Variants in ZNF487 observed in about 807,000 individuals in gnomAD.
The protein encoded by ZNF487 is zinc finger protein 487, also known as KRAB domain only 1.
In ZNF487, 4 loss-of-function variants were observed where a neutral mutation model predicts 3.0. The ratio of observed to expected loss-of-function variants is 1.35; its 90% confidence interval spans 0.66 to 3.08. The LOEUF is 3.08. ZNF487 is among the 30% of genes most tolerant of loss of function. The probability of loss-of-function intolerance (pLI) is 0.01; values close to 1 mark genes in which losing one functional copy is unlikely to be tolerated. For missense variants in ZNF487, 146 were observed against 98.7 expected (o/e 1.48, Z -2.03); for synonymous variants, 55 against 34.6 (o/e 1.59, Z -2.06).
At chr10:43,498,091 ATATATATATTTTTTTTTTTTTTCTTTT>A in the ZNF487 span, among the ~76,000 whole-genome samples, 50 of 27,952 alleles carry the variant, frequency 1.8e-3, 4 homozygotes, top group Admixed American at 2.6e-3. Flanking sequence ...ATATATATAT[ATATATATATTTTTTTTTTTTTTCTTTT>A]TTTTTTTTTT....
At chr10:43,494,677 A>G in the ZNF487 span, among the ~76,000 whole-genome samples, 1 of 148,016 alleles carries the variant, frequency 6.8e-6, no homozygotes, top group Non-Finnish European at 1.5e-5. Context: ...GCTGGGCGTG[A>G]GGCTCACACC....
chr10:43,444,559 A>C (rs1173309357), intron 1 of ZNF487, among the ~76,000 whole-genome samples: 1 of 151,852 alleles, frequency 6.6e-6, no homozygotes, highest in Non-Finnish European at 1.5e-5. Flanking sequence ...ATAGGTTTAC[A>C]GGTTGTTCGT....
At chr10:43,470,463 A>G (rs910811451) in intron 1 of ZNF487, among the ~76,000 whole-genome samples, 2 of 151,728 alleles carry the variant, frequency 1.3e-5, no homozygotes, top group Middle Eastern at 3.4e-3. Flanking sequence ...ACCTCACCGC[A>G]ACCTCCACCT....
chr10:43,457,423 C>T (rs1369340368), intron 1 of ZNF487, among the ~76,000 whole-genome samples: 1 of 143,798 alleles, frequency 7.0e-6, no homozygotes, highest in East Asian at 2.2e-4. Flanking sequence ...GGCATGGTGG[C>T]GCATGCCTGT....
intron 1 of ZNF487, among the ~76,000 whole-genome samples, chr10:43,441,946 G>T (rs1270226438): frequency 2.0e-5 from 3 of 152,112 alleles, no homozygotes; most frequent in Non-Finnish European, 2.9e-5. Flanking sequence ...TCTTGCTGTG[G>T]TTGGCCATGT....
the ZNF487 span, among the ~76,000 whole-genome samples, chr10:43,518,179 T>C: frequency 2.6e-5 from 4 of 152,296 alleles, no homozygotes; most frequent in East Asian, 1.9e-4. Context: ...GGACCTCACC[T>C]GAACACACCT....
the ZNF487 span, among the ~76,000 whole-genome samples, chr10:43,507,796 A>C: frequency 6.6e-6 from 1 of 152,242 alleles, no homozygotes; most frequent in Non-Finnish European, 1.5e-5. Context: ...AGCTGCCTAC[A>C]AGGTGGGCCA....
downstream of ZNF487, among the ~76,000 whole-genome samples, chr10:43,483,549 T>C (rs1449617100): frequency 6.8e-6 from 1 of 147,238 alleles, no homozygotes; most frequent in East Asian, 2.0e-4. Flanking sequence ...TTTTTTTGAA[T>C]CAGAATCTCA....
intron 1 of ZNF487, among the ~76,000 whole-genome samples, chr10:43,469,757 C>T (rs371405069): frequency 8.6e-5 from 13 of 151,904 alleles, no homozygotes; most frequent in African/African-American, 9.7e-5. Context: ...GAGACCAGCC[C>T]GGCCAACATG....
chr10:43,487,194 C>A (rs1407446387), downstream of ZNF487, among the ~76,000 whole-genome samples: 3 of 144,052 alleles, frequency 2.1e-5, no homozygotes, highest in Non-Finnish European at 1.5e-5. Flanking sequence ...GGCTGGAGTG[C>A]AGTGGCACGA....
chr10:43,482,341 A>G lies in ZNF487; in HGVS notation c.*419A>G. 1 of 439,930 alleles carries G rather than the reference A, an allele frequency of 2.3e-6. No homozygotes were observed. The highest frequency in any genetic ancestry group is 7.0e-5 in the East Asian group (1 of 14,300). 27.3% of individuals were successfully genotyped at this position (439,930 alleles called of 1,614,324 possible). A position where few individuals can be genotyped will look rare whatever the true frequency, so the allele number is the denominator to read the frequency against. On this transcript the variant is annotated 3_prime_UTR_variant, in exon 4 of 4. Coordinates refer to ENST00000437590, the MANE Select transcript of ZNF487 (RefSeq NM_001355444.3). ...AAGAAAAACTCTATGAATGTAGTGA[A>G]TGTGGGAAAACCTTCAGCCATAAAT...
Position 43,482,786 on chromosome 10 carries a change from A to G in ZNF487, c.*864A>G. On this transcript the variant is annotated 3_prime_UTR_variant, in exon 4 of 4. Transcript: ENST00000437590. ...GTCAAAAATCCTTCTCTGTGAAGTC[A>G]AAACTTAGAGAACATCAGAGAATTC... 2.0e-6 allele frequency: 1 copy of G among 495,464 alleles called. No individual in the cohort carries two copies. The highest frequency in any genetic ancestry group is 5.8e-5 in the East Asian group (1 of 17,278). 30.7% of individuals were successfully genotyped at this position (495,464 alleles called of 1,614,324 possible).
At chr10:43,498,077 A>T in the ZNF487 span, among the ~76,000 whole-genome samples, 293 of 8,362 alleles carry the variant, frequency 0.035, 6 homozygotes, top group African/African-American at 0.15. Context: ...TTGGTATTTT[A>T]TATATATATA....
chr10:43,516,988 G>A, the ZNF487 span, among the ~76,000 whole-genome samples: 2 of 152,220 alleles, frequency 1.3e-5, no homozygotes, highest in Admixed American at 6.5e-5. Context: ...ATGGGGTACC[G>A]TAGCAGCCTT....
At chr10:43,438,149 C>T (rs1215995999) in intron 1 of ZNF487, among the ~76,000 whole-genome samples, 1 of 152,042 alleles carries the variant, frequency 6.6e-6, no homozygotes, top group Non-Finnish European at 1.5e-5. Flanking sequence ...TTGAATTTAG[C>T]AGATTAGGGG....
At chr10:43,506,092 C>G in the ZNF487 span, among the ~76,000 whole-genome samples, 1 of 152,230 alleles carries the variant, frequency 6.6e-6, no homozygotes, top group Admixed American at 6.5e-5. Context: ...TGTACTTTCA[C>G]TTTGCCGTGA....
intron 1 of ZNF487, among the ~76,000 whole-genome samples, chr10:43,442,467 G>A (rs1012116082): frequency 3.3e-5 from 5 of 151,552 alleles, no homozygotes; most frequent in South Asian, 2.1e-4. Context: ...TTTTTGAGAC[G>A]GAGTTTCACT....
intron 1 of ZNF487, among the ~76,000 whole-genome samples, chr10:43,445,163 T>A (rs1839752498): frequency 6.6e-6 from 1 of 152,082 alleles, no homozygotes; most frequent in South Asian, 2.1e-4. Flanking sequence ...AATTTTTTTT[T>A]TTTTCTTTAG....
chr10:43,499,599 A>G, the ZNF487 span, among the ~76,000 whole-genome samples: 1 of 152,092 alleles, frequency 6.6e-6, no homozygotes, highest in East Asian at 1.9e-4. Context: ...AAAAATACAA[A>G]AATTAGCCAG....
Sources: allele counts gnomAD v4.1 joint callset (sites outside exome capture counted in the v4.1 genomes callset), GRCh38; gene constraint gnomAD v4.1.1; transcripts MANE v1.5; gene names NCBI Gene and HGNC (gene_info 2026-07-23, HGNC 2026-07-21).